Variants in METTL9 observed in about 807,000 individuals in gnomAD.
The protein encoded by METTL9 is protein-L-histidine N-pros-methyltransferase.
Under a neutral mutation model 36.0 loss-of-function variants are expected in METTL9, and 10 were observed. The observed-to-expected ratio is 0.28, with a 90% CI of 0.17 to 0.47. METTL9 has a LOEUF of 0.47. Ranked by LOEUF, METTL9 falls within the 20% of genes least tolerant of loss-of-function variation. METTL9 has a pLI of 0.99. For missense variants in METTL9, 246 were observed against 383.5 expected (o/e 0.64, Z 3.00); for synonymous variants, 175 against 149.7 (o/e 1.17, Z -1.23).
At chr16:21,643,202 G>A (rs769069504) in intron 4 of METTL9, 13 of 1,389,702 alleles carry the variant, frequency 9.4e-6, no homozygotes, top group East Asian at 6.8e-5. Flanking sequence ...GAATATAAGC[G>A]ATGATAACGA....
At chr16:21,636,822 C>T (rs1282848793) in intron 4 of METTL9, among the ~76,000 whole-genome samples, 1 of 152,238 alleles carries the variant, frequency 6.6e-6, no homozygotes, top group East Asian at 1.9e-4. Context: ...CAGTATTTAG[C>T]CCCCGAACTC....
chr16:21,650,368 TGTG>T (rs1966536643), intron 4 of METTL9, among the ~76,000 whole-genome samples: 1 of 151,344 alleles, frequency 6.6e-6, no homozygotes. Flanking sequence ...ATTAGCCAGG[TGTG>T]GTGGTGGACG....
chr16:21,620,535 C>A (rs1389104260), intron 3 of METTL9, among the ~76,000 whole-genome samples: 1 of 152,144 alleles, frequency 6.6e-6, no homozygotes, highest in African/African-American at 2.4e-5. Context: ...TGCTTTGATG[C>A]TAAGTGCCTA....
At position 21,600,293 on chromosome 16, in the gene METTL9, C is replaced by T. The variant is rs1370898496; in HGVS notation, c.165+395C>T. On this transcript the variant is annotated intron_variant, in intron 1 of 4. Transcript: ENST00000358154. ...AGGCCTGAGACTGAAGAGACCCGGC[C>T]AGATCCATTACCCCGAGAAACAAAA... Among the ~76,000 whole-genome samples the T allele has an allele frequency of 3.3e-5, 5 of 152,316 alleles. No individual in the cohort carries two copies. In the East Asian group the frequency reaches 9.6e-4, roughly 29 times the overall value.
At chr16:21,630,676 C>T (rs1051602081) in intron 4 of METTL9, among the ~76,000 whole-genome samples, 2 of 152,154 alleles carry the variant, frequency 1.3e-5, no homozygotes, top group African/African-American at 2.4e-5. Context: ...TCCAGGGGTC[C>T]TCGGTAGAAG....
In METTL9 at chr16:21,599,714, G is replaced by C; in HGVS notation, c.-20G>C. Reference sequence around the variant, plus strand: ...CGCCCCGGCGCCGGCGGTGATCCGAGCGAGCGGCCGCGGCCCCCGATGAGA... The same window carrying C: ...CGCCCCGGCGCCGGCGGTGATCCGACCGAGCGGCCGCGGCCCCCGATGAGA... On this transcript the variant is annotated 5_prime_UTR_variant, in exon 1 of 5. Coordinates refer to ENST00000358154, the MANE Select transcript of METTL9 (RefSeq NM_016025.5). The surrounding 1 kb of genome is among the most constrained non-coding windows in gnomAD (Gnocchi z 4.4). 6.8e-7 allele frequency: 1 copy of C among 1,478,660 alleles called. No homozygotes were observed. The highest frequency in any genetic ancestry group is 8.9e-7 in the Non-Finnish European group (1 of 1,120,246). 91.6% of individuals were successfully genotyped at this position (1,478,660 alleles called of 1,614,324 possible).
At chr16:21,651,982 C>T (rs1192750885) in intron 4 of METTL9, 3 of 152,120 alleles carry the variant, frequency 2.0e-5, no homozygotes, top group South Asian at 2.1e-4. Flanking sequence ...ACTTTCCCCC[C>T]TTCCCTGCCC....
chr16:21,644,464 GT>G (rs1297441180), intron 4 of METTL9: 4 of 1,131,086 alleles, frequency 3.5e-6, no homozygotes, highest in Non-Finnish European at 5.3e-6. Flanking sequence ...CATGTGTAAA[GT>G]ATCCTTCACA....
chr16:21,603,550 C>T (rs1965194775), intron 1 of METTL9, among the ~76,000 whole-genome samples: 1 of 152,158 alleles, frequency 6.6e-6, no homozygotes, highest in African/African-American at 2.4e-5. Flanking sequence ...GCAATGTTGG[C>T]AGACTCAGAA....
chr16:21,641,490 C>T (rs756929837), intron 4 of METTL9: 1 of 1,192,732 alleles, frequency 8.4e-7, no homozygotes, highest in East Asian at 2.4e-5. Context: ...GCCATAGCTC[C>T]TGGAGTTGGA....
Position 21,630,809 on chromosome 16 carries a change from C to T in METTL9, c.751+5694C>T, listed in dbSNP as rs144497416. On this transcript the variant is annotated intron_variant, in intron 4 of 4. Transcript: ENST00000358154. ...TACAGGGCCCAAAGGTGAGTAACAG[C>T]AAGATGGCTGCCACAGGACCTAGAA... 4.9e-3 allele frequency among the ~76,000 whole-genome samples: 749 copies of T among 152,274 alleles called. 7 individuals carry two copies. The highest frequency in any genetic ancestry group is 0.017 in the African/African-American group (724 of 41,542).
Position 21,606,782 on chromosome 16 carries a change from A to G in METTL9, c.166-5863A>G, listed in dbSNP as rs550108582. 1.8e-4 allele frequency among the ~76,000 whole-genome samples: 27 copies of G among 152,254 alleles called. 2 individuals carry two copies. Among genetic ancestry groups the G allele is most frequent in the South Asian group, 6.2e-4 (3 of 4,832 alleles). ...CAGGAACCTGGGACAAAGATCAAAT[A>G]TGTATTTTTTATTATACCACATCAT... On this transcript the variant is annotated intron_variant, in intron 1 of 4. Coordinates refer to ENST00000358154, the MANE Select transcript of METTL9 (RefSeq NM_016025.5).
intron 4 of METTL9, among the ~76,000 whole-genome samples, chr16:21,634,632 A>G (rs1966041830): frequency 6.6e-6 from 1 of 152,114 alleles, no homozygotes; most frequent in African/African-American, 2.4e-5. Flanking sequence ...CGAGGTTGCC[A>G]GGTTAATAAT....
chr16:21,599,748 G>C lies in METTL9; in HGVS notation c.15G>C (p.Ala5=), dbSNP rs921143398. MRLL[A]GWLCLSLASV... ...CGCGGCCCCCGATGAGACTGCTGGC[G>C]GGCTGGCTGTGCCTGAGCCTGGCGT... is the stretch of plus-strand genomic sequence containing the variant. Residue 5 remains alanine, a synonymous_variant, in exon 1 of 5, where the codon GCG becomes GCC. Coordinates refer to ENST00000358154, the MANE Select transcript of METTL9 (RefSeq NM_016025.5). This position sits in a 1 kb window ranked among gnomAD's most constrained non-coding sequence, Gnocchi z 4.4. 4.6e-6 allele frequency: 7 copies of C among 1,524,654 alleles called. No homozygotes were observed. The African/African-American group carries it at 8.6e-5, about 19-fold the overall frequency. The allele number at this position is 1,524,654 out of a possible 1,614,324, so 94.4% of individuals were successfully genotyped here.
intron 4 of METTL9, among the ~76,000 whole-genome samples, chr16:21,637,713 G>A (rs570503115): frequency 1.2e-4 from 19 of 152,344 alleles, no homozygotes; most frequent in African/African-American, 4.6e-4. Context: ...CGCGTGCGCT[G>A]CGCGCAGCCC....
intron 3 of METTL9, among the ~76,000 whole-genome samples, chr16:21,623,411 C>T (rs1965749957): frequency 1.3e-5 from 2 of 152,172 alleles, no homozygotes; most frequent in South Asian, 2.1e-4. Context: ...ATTTTCTGAG[C>T]TATCTTACTG....
chr16:21,612,371 T>C, intron 1 of METTL9: 1 of 267,532 alleles, frequency 3.7e-6, no homozygotes. Flanking sequence ...CCTACTAAGC[T>C]GAATGACCCA....
At chr16:21,630,230 C>A (rs1184957857) in intron 4 of METTL9, among the ~76,000 whole-genome samples, 2 of 152,238 alleles carry the variant, frequency 1.3e-5, no homozygotes, top group African/African-American at 2.4e-5. Flanking sequence ...GGGAGCTTGT[C>A]CCCCGATCAA....
chr16:21,632,727 T>C (rs1965993680), intron 4 of METTL9, among the ~76,000 whole-genome samples: 1 of 152,070 alleles, frequency 6.6e-6, no homozygotes, highest in Non-Finnish European at 1.5e-5. Context: ...ATCCTTTCCT[T>C]GTATTATTTT....
Sources: gnomAD v4.1 joint callset for allele counts (sites outside exome capture counted in the v4.1 genomes callset) on GRCh38, gnomAD v4.1.1 for gene constraint, Gnocchi (gnomAD v3.1) non-coding constraint, MANE v1.5 for transcripts, NCBI Gene and HGNC (gene_info 2026-07-23, HGNC 2026-07-21) for gene names.